Variants in STX18 observed in about 807,000 individuals in gnomAD.
STX18 encodes the protein syntaxin 18.
STX18 carries 40 observed loss-of-function variants against 50.1 expected under a neutral mutation model. The ratio of observed to expected loss-of-function variants is 0.80; its 90% CI spans 0.62 to 1.04. The LOEUF (loss-of-function observed/expected upper bound fraction) is 1.04, where lower values mean the gene tolerates loss of function less well. Among genes scored for constraint, STX18 ranks in the 50% least tolerant of loss-of-function variants. STX18 has a pLI of 0.00. For missense variants in STX18, 410 were observed against 415.8 expected, an observed-to-expected ratio of 0.99 and a Z score of 0.12; for synonymous variants, 158 against 151.8, an observed-to-expected ratio of 1.04 and a Z score of -0.30.
At chr4:4,507,243 T>C in intron 1 of STX18, 1 of 664,232 alleles carries the variant, frequency 1.5e-6, no homozygotes, top group East Asian at 3.1e-5. Context: ...ACCCATACTT[T>C]ACAGTGTACT....
chr4:4,541,170 G>A (rs1731571896), intron 1 of STX18, among the ~76,000 whole-genome samples: 1 of 152,186 alleles, frequency 6.6e-6, no homozygotes, highest in Admixed American at 6.5e-5. Context: ...AAACAACACT[G>A]TCCCTGCCCT....
At chr4:4,473,291 C>A (rs965694235) in intron 1 of STX18, among the ~76,000 whole-genome samples, 2 of 134,682 alleles carry the variant, frequency 1.5e-5, no homozygotes, top group African/African-American at 2.8e-5. Context: ...GGAAATCTGA[C>A]TTTTTTTTTT....
At chr4:4,473,592 C>T (rs951010851) in intron 1 of STX18, among the ~76,000 whole-genome samples, 3 of 152,002 alleles carry the variant, frequency 2.0e-5, no homozygotes, top group Non-Finnish European at 4.4e-5. Flanking sequence ...CGCGCCCGGT[C>T]GGAAATCTGA....
chr4:4,425,708 C>G (rs1725212648), intron 7 of STX18: 1 of 159,572 alleles, frequency 6.3e-6, no homozygotes, highest in Admixed American at 6.0e-5. Context: ...CTGGGCCCCT[C>G]TGACTTCAGA....
chr4:4,486,050 G>A (rs891189633), intron 1 of STX18, among the ~76,000 whole-genome samples: 1 of 152,172 alleles, frequency 6.6e-6, no homozygotes, highest in Non-Finnish European at 1.5e-5. Context: ...CTCCCAGCTG[G>A]TTCTCTGACT....
At chr4:4,442,562 G>A (rs757795835) in intron 5 of STX18, among the ~76,000 whole-genome samples, 2 of 152,040 alleles carry the variant, frequency 1.3e-5, no homozygotes, top group African/African-American at 2.4e-5. Flanking sequence ...GGTTTGCAGT[G>A]AGCCGAGATC....
intron 1 of STX18, among the ~76,000 whole-genome samples, chr4:4,508,817 G>C (rs1424202805): frequency 6.6e-6 from 1 of 152,152 alleles, no homozygotes; most frequent in Non-Finnish European, 1.5e-5. Context: ...AGTGTTATAA[G>C]GTTTTCTGTT....
chr4:4,462,058 G>A (rs572571097), intron 2 of STX18: 28 of 446,088 alleles, frequency 6.3e-5, no homozygotes, highest in African/African-American at 2.4e-4. Flanking sequence ...AAGGCCACCC[G>A]CCTGCAAACC....
chr4:4,513,428 C>T (rs930528767), intron 1 of STX18, among the ~76,000 whole-genome samples: 3 of 152,120 alleles, frequency 2.0e-5, no homozygotes, highest in Admixed American at 1.3e-4. Context: ...GATAGAGAAA[C>T]AGGTTTGAAG....
intron 5 of STX18, among the ~76,000 whole-genome samples, chr4:4,441,709 TA>T (rs540389530): frequency 6.6e-6 from 1 of 152,030 alleles, no homozygotes; most frequent in Non-Finnish European, 1.5e-5. Context: ...GTGATCCCAA[TA>T]AAAAAACATC....
chr4:4,505,156 T>C (rs1729641969), intron 1 of STX18, among the ~76,000 whole-genome samples: 1 of 152,342 alleles, frequency 6.6e-6, no homozygotes, highest in Admixed American at 6.5e-5. Context: ...ACATTTCATA[T>C]ACAGCAGTTC....
At chr4:4,517,731 T>C (rs1730337598) in intron 1 of STX18, among the ~76,000 whole-genome samples, 1 of 152,108 alleles carries the variant, frequency 6.6e-6, no homozygotes, top group Non-Finnish European at 1.5e-5. Flanking sequence ...TATCACTACC[T>C]ACATGAATAT....
At chr4:4,459,716 G>C (rs1295143231) in intron 2 of STX18, among the ~76,000 whole-genome samples, 1 of 152,160 alleles carries the variant, frequency 6.6e-6, no homozygotes, top group Non-Finnish European at 1.5e-5. Flanking sequence ...CCCAACTGAC[G>C]TAAGCCAGAT....
chr4:4,449,823 T>G (rs1210460906), intron 5 of STX18, among the ~76,000 whole-genome samples: 1 of 152,252 alleles, frequency 6.6e-6, no homozygotes, highest in East Asian at 1.9e-4. Flanking sequence ...TAATGTCCTA[T>G]CTCATTGAAT....
chr4:4,420,179 T>C lies in STX18; in HGVS notation c.913-50A>G. ...GTTTTTATCACACAGGATTTTGGTT[T>C]GAGCAGCCCTGAAATGCCCCCCTCT... On this transcript the variant is annotated intron_variant, in intron 10 of 10. Coordinates refer to ENST00000306200, the MANE Select transcript of STX18 (RefSeq NM_016930.4). The surrounding 1 kb of genome is among the most constrained non-coding windows in gnomAD (Gnocchi z 4.3). 5.4e-6 allele frequency: 8 copies of C among 1,491,290 alleles called. No homozygotes were observed. The highest frequency in any genetic ancestry group is 7.3e-6 in the Non-Finnish European group (8 of 1,093,308). 92.4% of individuals were successfully genotyped at this position (1,491,290 alleles called of 1,614,324 possible). A position where few individuals can be genotyped will look rare whatever the true frequency, so the allele number is the denominator to read the frequency against.
intron 5 of STX18, among the ~76,000 whole-genome samples, chr4:4,447,983 C>T (rs1173746549): frequency 1.3e-5 from 2 of 152,194 alleles, no homozygotes; most frequent in African/African-American, 2.4e-5. Context: ...GTCTTCAGTG[C>T]TGGCCCAACT....
At position 4,447,746 on chromosome 4, in the gene STX18, A is replaced by T. The variant is rs368084212; in HGVS notation, c.498-9237T>A. Among the ~76,000 whole-genome samples the T allele has an allele frequency of 3.3e-4, 50 of 152,108 alleles. No homozygotes were observed. The East Asian group carries it at 9.3e-3, about 28-fold the overall frequency. The stretch of plus-strand genomic sequence containing the variant: ...CAAAAAATTAGCTATTACTACAACG[A>T]TTACACTACTGCTGCTGCTGCTATT... On this transcript the variant is annotated intron_variant, in intron 5 of 10. Coordinates refer to ENST00000306200, the MANE Select transcript of STX18 (RefSeq NM_016930.4).
At position 4,420,809 on chromosome 4, in the gene STX18, T is replaced by C. The variant is rs1724908560; in HGVS notation, c.912+55A>G. 4.6e-6 allele frequency: 7 copies of C among 1,508,372 alleles called. No individual in the cohort carries two copies. Among genetic ancestry groups the C allele is most frequent in the South Asian group, 1.1e-5 (1 of 88,790 alleles). The allele number at this position is 1,508,372 out of a possible 1,614,324, so 93.4% of individuals were successfully genotyped here. ...CTGTGCCGGCGAGACTAACACCCGC[T>C]GCTGGGACTCAGTGCTGCGCCACGT... is the stretch of plus-strand genomic sequence containing the variant. On this transcript the variant is annotated intron_variant, in intron 10 of 10. Transcript: ENST00000306200. This position sits in a 1 kb window ranked among gnomAD's most constrained non-coding sequence, Gnocchi z 4.3.
chr4:4,423,129 A>C (rs775237122), intron 9 of STX18, among the ~76,000 whole-genome samples: 38 of 152,348 alleles, frequency 2.5e-4, no homozygotes, highest in African/African-American at 7.5e-4. Context: ...TTCTGCAGTT[A>C]TCTCTCAAAC....
Sources: allele counts gnomAD v4.1 joint callset (sites outside exome capture counted in the v4.1 genomes callset), GRCh38; gene constraint gnomAD v4.1.1; non-coding constraint Gnocchi (gnomAD v3.1); transcripts MANE v1.5; gene names NCBI Gene and HGNC (gene_info 2026-07-23, HGNC 2026-07-21).